Variants in TNNI3K observed in about 807,000 individuals in gnomAD.
The protein encoded by TNNI3K is serine/threonine-protein kinase TNNI3K.
In TNNI3K, 140 loss-of-function variants were observed where a neutral mutation model predicts 114.5. The observed-to-expected ratio is 1.22, with a 90% CI of 1.07 to 1.41. TNNI3K has a LOEUF of 1.41. TNNI3K is among the 40% of genes most tolerant of loss of function. TNNI3K has a pLI of 0.00. For missense variants in TNNI3K, 1,125 were observed against 1,007.6 expected, an observed-to-expected ratio of 1.12 and a Z score of -1.58; for synonymous variants, 347 against 347.5, an observed-to-expected ratio of 1.00 and a Z score of 0.02.
chr1:74,324,328 A>G (rs1659783236), intron 5 of TNNI3K, among the ~76,000 whole-genome samples: 1 of 152,222 alleles, frequency 6.6e-6, no homozygotes, highest in Non-Finnish European at 1.5e-5. Flanking sequence ...CAGTCAGGTG[A>G]GATACAGAGG....
At chr1:74,412,555 C>A (rs986844890) in intron 17 of TNNI3K, among the ~76,000 whole-genome samples, 4 of 152,170 alleles carry the variant, frequency 2.6e-5, no homozygotes, top group Non-Finnish European at 4.4e-5. Context: ...TAAATATTGT[C>A]TCACGTTGAC....
At chr1:74,364,359 G>A (rs1014239344) in intron 11 of TNNI3K, among the ~76,000 whole-genome samples, 1 of 151,626 alleles carries the variant, frequency 6.6e-6, no homozygotes, top group African/African-American at 2.4e-5. Flanking sequence ...GGTTAAAATG[G>A]CCACCAAAGC....
chr1:74,451,849 G>A (rs1667042868), intron 20 of TNNI3K, among the ~76,000 whole-genome samples: 1 of 150,012 alleles, frequency 6.7e-6, no homozygotes, highest in Admixed American at 6.7e-5. Context: ...CCTCAGATTT[G>A]TCTATTTCTC....
chr1:74,508,897 C>A (rs1421118416), intron 23 of TNNI3K, among the ~76,000 whole-genome samples: 1 of 152,296 alleles, frequency 6.6e-6, no homozygotes, highest in Middle Eastern at 3.4e-3. Flanking sequence ...CTGGTTTTTA[C>A]AGGGTCTGCA....
chr1:74,310,248 G>A (rs1372637908), intron 5 of TNNI3K, among the ~76,000 whole-genome samples: 1 of 152,024 alleles, frequency 6.6e-6, no homozygotes, highest in Non-Finnish European at 1.5e-5. Flanking sequence ...AAAACACCTA[G>A]GAGTACATCT....
At chr1:74,451,242 G>A (rs985711031) in intron 20 of TNNI3K, among the ~76,000 whole-genome samples, 7 of 152,026 alleles carry the variant, frequency 4.6e-5, no homozygotes, top group African/African-American at 1.7e-4. Context: ...ACTGGGGCCT[G>A]TTGGGGAAGG....
intron 23 of TNNI3K, among the ~76,000 whole-genome samples, chr1:74,524,393 C>T (rs1035866376): frequency 6.6e-6 from 1 of 152,154 alleles, no homozygotes; most frequent in Non-Finnish European, 1.5e-5. Flanking sequence ...TGTGCGGACT[C>T]CAGGGCTGCT....
At chr1:74,487,746 A>G (rs907001297) in intron 21 of TNNI3K, among the ~76,000 whole-genome samples, 46 of 152,208 alleles carry the variant, frequency 3.0e-4, no homozygotes, top group African/African-American at 1.0e-3. Flanking sequence ...ACTTTAGGAC[A>G]TATTTGGAAC....
rs549050529 is a variant in TNNI3K, at chr1:74,318,192, C to T, written c.445-13258C>T. Among the ~76,000 whole-genome samples the T allele has an allele frequency of 7.2e-5, 11 of 152,304 alleles. No individual in the cohort carries two copies. In the South Asian group the frequency reaches 2.3e-3, roughly 32 times the overall value. On this transcript the variant is annotated intron_variant, in intron 5 of 24. Transcript: ENST00000326637. ...ATTTGTTGAAAATTAATGCTTCATACATTTAACCCATTTTGAGATTGTCTC... is the reference window on the plus strand; with the variant it reads ...ATTTGTTGAAAATTAATGCTTCATATATTTAACCCATTTTGAGATTGTCTC...
chr1:74,274,196 A>G (rs1326168717), intron 5 of TNNI3K, among the ~76,000 whole-genome samples: 1 of 152,024 alleles, frequency 6.6e-6, no homozygotes, highest in Non-Finnish European at 1.5e-5. Flanking sequence ...AAAGAAAATC[A>G]TAAGGATTAG....
chr1:74,391,988 C>A (rs574691636), intron 17 of TNNI3K, among the ~76,000 whole-genome samples: 22 of 90,668 alleles, frequency 2.4e-4, no homozygotes, highest in Non-Finnish European at 3.3e-4. Flanking sequence ...TTTTTTGAGA[C>A]GGAGTCTCGC....
chr1:74,532,249 G>A (rs912124047), intron 23 of TNNI3K, among the ~76,000 whole-genome samples: 1 of 152,130 alleles, frequency 6.6e-6, no homozygotes, highest in Non-Finnish European at 1.5e-5. Context: ...TTGGATAAAG[G>A]AAAGTATCAT....
At chr1:74,276,115 A>G (rs192058073) in intron 5 of TNNI3K, among the ~76,000 whole-genome samples, 28 of 152,260 alleles carry the variant, frequency 1.8e-4, no homozygotes, top group African/African-American at 6.3e-4. Flanking sequence ...AAAGGATTCA[A>G]TTTGGAGGAA....
At position 74,518,442 on chromosome 1, in the gene TNNI3K, A is replaced by G. The variant is rs149843613; in HGVS notation, c.2352-21792A>G. Among the ~76,000 whole-genome samples the G allele has an allele frequency of 1.5e-3, 235 of 152,244 alleles. 3 individuals carry two copies. The East Asian group carries it at 0.032, about 21-fold the overall frequency. On this transcript the variant is annotated intron_variant, in intron 23 of 24. Transcript: ENST00000326637. ...GGACCAATGTATCTAAAGGGCAGTT[A>G]TAGACTCTTGGTTGCTTCTGAGATG...
At chr1:74,335,938 T>C (rs531969694) in intron 6 of TNNI3K, 73 bp from the exon 7 acceptor site, 1 of 1,478,440 alleles carries the variant, frequency 6.8e-7, no homozygotes, top group South Asian at 1.5e-5. Context: ...CCAGTTGTGT[T>C]CTTGTATACT....
At chr1:74,306,496 C>G (rs779631381) in intron 5 of TNNI3K, among the ~76,000 whole-genome samples, 44 of 152,318 alleles carry the variant, frequency 2.9e-4, no homozygotes, top group South Asian at 8.3e-4. Flanking sequence ...TTCCCACCAA[C>G]AGTCTATAAG....
intron 21 of TNNI3K, chr1:74,464,947 C>G (rs1667604697): frequency 1.6e-6 from 2 of 1,230,012 alleles, no homozygotes; most frequent in Non-Finnish European, 1.0e-6. Context: ...TGCCTTCAAT[C>G]TCTGCATCTG....
At chr1:74,300,226 C>G (rs1658237857) in intron 5 of TNNI3K, among the ~76,000 whole-genome samples, 2 of 152,108 alleles carry the variant, frequency 1.3e-5, no homozygotes, top group African/African-American at 4.8e-5. Context: ...GCCAGAGATG[C>G]ATTAGATCAA....
At chr1:74,517,037 A>T (rs1363543663) in intron 23 of TNNI3K, among the ~76,000 whole-genome samples, 1 of 152,204 alleles carries the variant, frequency 6.6e-6, no homozygotes, top group African/African-American at 2.4e-5. Flanking sequence ...AAACAGAAAC[A>T]TTCTTGTCCC....
Sources: gnomAD v4.1 joint callset for allele counts (sites outside exome capture counted in the v4.1 genomes callset) on GRCh38, gnomAD v4.1.1 for gene constraint, MANE v1.5 for transcripts, NCBI Gene and HGNC (gene_info 2026-07-23, HGNC 2026-07-21) for gene names.